Variants in OSBPL6 observed in about 807,000 individuals in gnomAD.
The protein encoded by OSBPL6 is oxysterol binding protein like 6.
Under a neutral mutation model 125.8 loss-of-function variants are expected in OSBPL6, and 49 were observed. That is an observed-to-expected ratio of 0.39 (90% confidence interval 0.31 to 0.49). OSBPL6 has a LOEUF of 0.49. Ranked by LOEUF, OSBPL6 falls within the 20% of genes least tolerant of loss-of-function variation. The pLI, the probability that OSBPL6 is intolerant of heterozygous loss-of-function variation, is 0.88. For missense variants in OSBPL6, 986 were observed against 1,135.4 expected (o/e 0.87, Z 1.89); for synonymous variants, 394 against 391.8 (o/e 1.01, Z -0.07).
At chr2:178,309,445 T>C (rs1171390166) in intron 3 of OSBPL6, among the ~76,000 whole-genome samples, 1 of 152,234 alleles carries the variant, frequency 6.6e-6, no homozygotes, top group Admixed American at 6.5e-5. Flanking sequence ...CTGATTTATT[T>C]GTCCTTCTCT....
At chr2:178,239,280 T>A (rs1349281425) in intron 1 of OSBPL6, among the ~76,000 whole-genome samples, 1 of 152,178 alleles carries the variant, frequency 6.6e-6, no homozygotes, top group Non-Finnish European at 1.5e-5. Context: ...GAAAATAATA[T>A]TTAACATTTT....
rs141851668 is a variant in OSBPL6, at chr2:178,396,330, G to C, written c.*771G>C. The C allele has an allele frequency of 5.9e-4, 90 of 153,400 alleles. 1 individual carries two copies. Among genetic ancestry groups the C allele is most frequent in the African/African-American group, 2.0e-3 (82 of 41,572 alleles). 9.5% of individuals were successfully genotyped at this position (153,400 alleles called of 1,614,324 possible). A position where few individuals can be genotyped will look rare whatever the true frequency, so the allele number is the denominator to read the frequency against. ...CTGAAGGGAAAGAAGGAAAAGACGT[G>C]CTAAGTAGATCTCTGTATTTACGTG... On this transcript the variant is annotated 3_prime_UTR_variant, in exon 25 of 25. Coordinates refer to ENST00000190611, the MANE Select transcript of OSBPL6 (RefSeq NM_032523.4).
chr2:178,375,484 G>A lies in OSBPL6; in HGVS notation c.1533+1457G>A, dbSNP rs190069715. On this transcript the variant is annotated intron_variant, in intron 15 of 24. Transcript: ENST00000190611. ...GTTGCCCGGGCTGGAGGGCAGTGGC[G>A]CAATCTTGGCTCACCACAACCTCTG... Among the ~76,000 whole-genome samples the A allele has an allele frequency of 2.9e-3, 441 of 152,140 alleles. 3 individuals carry two copies. Among genetic ancestry groups the A allele is most frequent in the African/African-American group, 9.9e-3 (409 of 41,492 alleles).
chr2:178,333,326 A>G (rs562796893), intron 8 of OSBPL6, among the ~76,000 whole-genome samples: 2 of 152,226 alleles, frequency 1.3e-5, no homozygotes, highest in Non-Finnish European at 2.9e-5. Context: ...CGGAGGTTGT[A>G]GTGAGCCAAG....
chr2:178,238,040 T>C (rs1036238411), intron 1 of OSBPL6, among the ~76,000 whole-genome samples: 1 of 152,200 alleles, frequency 6.6e-6, no homozygotes, highest in Non-Finnish European at 1.5e-5. Flanking sequence ...AATTCCTTGA[T>C]TGTCTGCAAC....
intron 3 of OSBPL6, among the ~76,000 whole-genome samples, chr2:178,312,450 G>A (rs946088754): frequency 5.4e-5 from 8 of 148,036 alleles, no homozygotes; most frequent in African/African-American, 2.0e-4. Flanking sequence ...GAACGACCAT[G>A]CCCAGATAAT....
At chr2:178,324,714 C>T (rs1688542226) in intron 4 of OSBPL6, among the ~76,000 whole-genome samples, 1 of 152,124 alleles carries the variant, frequency 6.6e-6, no homozygotes, top group Admixed American at 6.6e-5. Context: ...ATAAACAGCT[C>T]CACACAGTGT....
At chr2:178,390,187 C>G (rs1695279601) in intron 21 of OSBPL6, among the ~76,000 whole-genome samples, 1 of 152,226 alleles carries the variant, frequency 6.6e-6, no homozygotes, top group Non-Finnish European at 1.5e-5. Context: ...AGAATATGCT[C>G]TATTTCTTTG....
chr2:178,258,747 A>AG (rs2154012398), intron 1 of OSBPL6, among the ~76,000 whole-genome samples: 1 of 118,816 alleles, frequency 8.4e-6, no homozygotes, highest in East Asian at 2.1e-4. Context: ...TGCCCAGACC[A>AG]GGGCTGTTTT....
At chr2:178,361,934 G>C in intron 13 of OSBPL6, 119 bp downstream of exon 13, 1 of 1,234,748 alleles carries the variant, frequency 8.1e-7, no homozygotes, top group Non-Finnish European at 1.1e-6. Context: ...ACAGTTTGCA[G>C]AATTTCCCCC....
At chr2:178,287,471 C>T (rs1684815197) in intron 2 of OSBPL6, among the ~76,000 whole-genome samples, 1 of 152,200 alleles carries the variant, frequency 6.6e-6, no homozygotes, top group African/African-American at 2.4e-5. Flanking sequence ...TAGGATCTCT[C>T]AATACTTGAC....
intron 3 of OSBPL6, among the ~76,000 whole-genome samples, chr2:178,322,917 TAAA>T (rs4019732): frequency 0.51 from 73,886 of 144,476 alleles, 18,973 homozygotes; most frequent in East Asian, 0.7. Flanking sequence ...CTCATGCATT[TAAA>T]AAAAAAAAAA....
chr2:178,197,122 G>A (rs1243734703), intron 1 of OSBPL6, among the ~76,000 whole-genome samples: 1 of 151,484 alleles, frequency 6.6e-6, no homozygotes, highest in Non-Finnish European at 1.5e-5. Flanking sequence ...TTAATACCAA[G>A]GAATAAAATT....
intron 9 of OSBPL6, among the ~76,000 whole-genome samples, chr2:178,338,785 T>G (rs1270790130): frequency 1.3e-5 from 2 of 152,210 alleles, no homozygotes. Context: ...AGCTATTAAC[T>G]TTTAAGAGTG....
intron 2 of OSBPL6, among the ~76,000 whole-genome samples, chr2:178,298,498 G>A (rs889420131): frequency 2.6e-4 from 40 of 151,978 alleles, no homozygotes; most frequent in African/African-American, 9.4e-4. Flanking sequence ...AGCTCAGCTC[G>A]CTGCAGCCTT....
At chr2:178,284,537 A>G (rs937553568) in intron 1 of OSBPL6, among the ~76,000 whole-genome samples, 1 of 152,220 alleles carries the variant, frequency 6.6e-6, no homozygotes. Flanking sequence ...TGGGCATTGC[A>G]GCGAGACTCT....
chr2:178,307,994 A>G (rs374826034), intron 3 of OSBPL6, among the ~76,000 whole-genome samples: 26 of 152,330 alleles, frequency 1.7e-4, no homozygotes, highest in African/African-American at 6.3e-4. Context: ...TTGTGAATGA[A>G]AAGTTTTATG....
rs1405553053 is a variant in OSBPL6, at chr2:178,399,396, T to G, written c.*3837T>G. 6.6e-6 allele frequency: 1 copy of G among 152,248 alleles called. No homozygotes were observed. Among genetic ancestry groups the G allele is most frequent in the East Asian group, 1.9e-4 (1 of 5,198 alleles). 9.4% of individuals were successfully genotyped at this position (152,248 alleles called of 1,614,324 possible). Reference sequence around the variant, plus strand: ...ACTGTACATTGCATAATCATTCTGTTAAACTAAACCTTTGTTTAATACATA... The same window carrying G: ...ACTGTACATTGCATAATCATTCTGTGAAACTAAACCTTTGTTTAATACATA... On this transcript the variant is annotated 3_prime_UTR_variant, in exon 25 of 25. Coordinates refer to ENST00000190611, the MANE Select transcript of OSBPL6 (RefSeq NM_032523.4).
intron 1 of OSBPL6, among the ~76,000 whole-genome samples, chr2:178,214,781 TA>T (rs201387226): frequency 6.6e-6 from 1 of 151,734 alleles, no homozygotes; most frequent in African/African-American, 2.4e-5. Context: ...CCCTGTCTCT[TA>T]AAAAAAATTT....
Sources: allele counts gnomAD v4.1 joint callset (sites outside exome capture counted in the v4.1 genomes callset), GRCh38; gene constraint gnomAD v4.1.1; transcripts MANE v1.5; gene names NCBI Gene and HGNC (gene_info 2026-07-23, HGNC 2026-07-21).